The following AP3B1 variants were observed in gnomAD, a reference collection of about 807,000 sequenced individuals.
The protein encoded by AP3B1 is AP-3 complex subunit beta-1.
A neutral mutation model predicts 132.5 loss-of-function variants in AP3B1; 61 were observed. The ratio of observed to expected loss-of-function variants is 0.46; its 90% CI spans 0.37 to 0.57. The LOEUF is 0.57. AP3B1 is among the 20% of genes least tolerant of loss of function. AP3B1 has a pLI of 0.00. For missense variants in AP3B1, 1,120 were observed against 1,289.4 expected, an observed-to-expected ratio of 0.87 and a Z score of 2.01; for synonymous variants, 388 against 438.3, an observed-to-expected ratio of 0.89 and a Z score of 1.43.
intron 6 of AP3B1, among the ~76,000 whole-genome samples, chr5:78,223,684 G>A (rs13183866): frequency 0.33 from 50,750 of 151,982 alleles, 8,585 homozygotes; most frequent in Middle Eastern, 0.43. Flanking sequence ...GCACTGTGCT[G>A]AGGGTTTTAT....
At chr5:78,164,991 A>G (rs1166659649) in intron 12 of AP3B1, among the ~76,000 whole-genome samples, 1 of 152,190 alleles carries the variant, frequency 6.6e-6, no homozygotes, top group Admixed American at 6.5e-5. Flanking sequence ...AAAGTTTTCT[A>G]TTGCTGTGCT....
At chr5:78,079,217 T>G (rs530341274) in intron 22 of AP3B1, among the ~76,000 whole-genome samples, 43 of 152,346 alleles carry the variant, frequency 2.8e-4, no homozygotes, top group Middle Eastern at 3.4e-3. Context: ...AGTTAACATT[T>G]TTTTTTGAAA....
chr5:78,185,902 T>TA (rs911597363), intron 7 of AP3B1, among the ~76,000 whole-genome samples: 94 of 151,574 alleles, frequency 6.2e-4, no homozygotes, highest in Admixed American at 1.2e-3. Flanking sequence ...TTTTAATTAA[T>TA]AAAAAAAGAG....
At chr5:78,211,177 T>C (rs1745720715) in intron 7 of AP3B1, among the ~76,000 whole-genome samples, 1 of 152,194 alleles carries the variant, frequency 6.6e-6, no homozygotes, top group Non-Finnish European at 1.5e-5. Flanking sequence ...AAGCACCCTC[T>C]TAACAAATCT....
intron 22 of AP3B1, among the ~76,000 whole-genome samples, chr5:78,056,390 T>C (rs1220967916): frequency 6.6e-6 from 1 of 152,214 alleles, no homozygotes; most frequent in African/African-American, 2.4e-5. Flanking sequence ...ATTTTTAAAC[T>C]GCAGAAAGTT....
chr5:78,163,666 T>C (rs989475432), intron 12 of AP3B1, among the ~76,000 whole-genome samples: 23 of 143,254 alleles, frequency 1.6e-4, no homozygotes, highest in African/African-American at 4.7e-4. Flanking sequence ...CACACACACA[T>C]ATATATATAC....
In AP3B1 at chr5:78,110,261, A is replaced by T; in HGVS notation, c.2343T>A (p.Asp781Glu). ...TTTCAGGTTCTGACTCTGATTCAGA[A>T]TCGGAAGAACTGTCTTCTATTGAAC... The part of the protein sequence containing the change: ...ESSSIEDSSS[D>E]SESESEPESE... The change falls in exon 20 of 27, where the codon GAT becomes GAA. Residue 781 changes from aspartate (D) to glutamate (E), a missense_variant. Physicochemically the swap from Asp to Glu is conservative, Grantham distance 45. Coordinates refer to ENST00000255194, the MANE Select transcript of AP3B1 (RefSeq NM_003664.5). 1 of 1,609,124 alleles carries T rather than the reference A, an allele frequency of 6.2e-7. No individual in the cohort carries two copies. Among genetic ancestry groups the T allele is most frequent in the Non-Finnish European group, 8.5e-7 (1 of 1,176,910 alleles).
chr5:78,149,661 T>C (rs1424276972), intron 14 of AP3B1, among the ~76,000 whole-genome samples: 2 of 152,138 alleles, frequency 1.3e-5, no homozygotes, highest in Non-Finnish European at 2.9e-5. Context: ...TGATCCCCAT[T>C]GTACAGATGA....
At chr5:78,028,241 C>T (rs1174362998) in intron 24 of AP3B1, among the ~76,000 whole-genome samples, 2 of 151,870 alleles carry the variant, frequency 1.3e-5, no homozygotes, top group Admixed American at 6.6e-5. Flanking sequence ...GTGGGCGGAT[C>T]GCAAGGTCAG....
intron 11 of AP3B1, among the ~76,000 whole-genome samples, chr5:78,171,960 T>C (rs1016459626): frequency 9.2e-5 from 14 of 152,236 alleles, no homozygotes; most frequent in African/African-American, 3.4e-4. Flanking sequence ...GGCTGTTGAA[T>C]TTTGCCAAAG....
chr5:78,190,137 T>C (rs1744769643), intron 7 of AP3B1, among the ~76,000 whole-genome samples: 1 of 152,104 alleles, frequency 6.6e-6, no homozygotes, highest in Non-Finnish European at 1.5e-5. Flanking sequence ...GTTTTTATAA[T>C]GGGATTATGA....
chr5:78,089,544 T>C (rs1159537978), intron 21 of AP3B1, 45 bp from the exon 22 acceptor site: 8 of 1,245,030 alleles, frequency 6.4e-6, no homozygotes, highest in Admixed American at 1.7e-5. Flanking sequence ...GAACGTTTAA[T>C]TCAAATTATT....
intron 24 of AP3B1, among the ~76,000 whole-genome samples, chr5:78,027,433 A>G (rs905166695): frequency 6.6e-6 from 1 of 152,058 alleles, no homozygotes; most frequent in Non-Finnish European, 1.5e-5. Flanking sequence ...AATATCAATT[A>G]CACAGAATAA....
At chr5:78,088,923 A>G (rs1399593625) in intron 22 of AP3B1, 1 of 157,912 alleles carries the variant, frequency 6.3e-6, no homozygotes. Context: ...ATAATTTTAA[A>G]GACACCAACA....
chr5:78,209,491 T>C (rs1255941748), intron 7 of AP3B1, among the ~76,000 whole-genome samples: 2 of 152,198 alleles, frequency 1.3e-5, no homozygotes, highest in African/African-American at 2.4e-5. Context: ...AATCCATCTA[T>C]GACCTAGAAG....
chr5:78,169,268 T>C (rs541339909), intron 11 of AP3B1, among the ~76,000 whole-genome samples: 1 of 152,300 alleles, frequency 6.6e-6, no homozygotes, highest in African/African-American at 2.4e-5. Flanking sequence ...TTTCACCTAC[T>C]CTAACCCTTC....
intron 18 of AP3B1, 128 bp downstream of exon 18, chr5:78,115,998 G>A (rs1435580342): frequency 2.7e-6 from 2 of 728,780 alleles, no homozygotes; most frequent in African/African-American, 3.5e-5. Context: ...TAAATGAAAG[G>A]GATTATTTTG....
intron 21 of AP3B1, among the ~76,000 whole-genome samples, chr5:78,090,937 C>CTT (rs11419217): frequency 2.9e-4 from 43 of 148,882 alleles, no homozygotes; most frequent in African/African-American, 9.9e-4. Context: ...CATACCCAGC[C>CTT]TTTTTTTTTT....
In AP3B1 at chr5:78,058,154, C is replaced by T. The variant is rs1748892942; in HGVS notation, c.2578-18880G>A. On this transcript the variant is annotated intron_variant, in intron 22 of 26. Transcript: ENST00000255194. Reference sequence around the variant, plus strand: ...ATTTTAAAACATCTCGATAAAAATTCATTTCATTTGAGATTTATATCTCCA... The same window carrying T: ...ATTTTAAAACATCTCGATAAAAATTTATTTCATTTGAGATTTATATCTCCA... Among the ~76,000 whole-genome samples the T allele has an allele frequency of 2.0e-5, 3 of 152,252 alleles. No homozygotes were observed. In the South Asian group the frequency reaches 6.2e-4, roughly 32 times the overall value.
Sources: allele counts gnomAD v4.1 joint callset (sites outside exome capture counted in the v4.1 genomes callset), GRCh38; gene constraint gnomAD v4.1.1; transcripts MANE v1.5; gene names NCBI Gene and HGNC (gene_info 2026-07-23, HGNC 2026-07-21).